VAC14: variants seen among roughly 807,000 people sequenced by gnomAD.
VAC14 encodes protein VAC14 homolog.
In VAC14, 47 loss-of-function variants were observed where a neutral mutation model predicts 85.3. That is an observed-to-expected ratio of 0.55 (90% confidence interval 0.44 to 0.70). The LOEUF is 0.70. Ranked by LOEUF, VAC14 falls within the 30% of genes least tolerant of loss-of-function variation. VAC14 has a pLI of 0.00. For synonymous variants in VAC14, 447 were observed against 430.5 expected (o/e 1.04, Z -0.47); for missense variants, 861 against 1,004.3 (o/e 0.86, Z 1.93).
chr16:70,690,825 G>GCCC (rs2053582740), intron 18 of VAC14: 1 of 985,356 alleles, frequency 1.0e-6, no homozygotes, highest in Non-Finnish European at 1.2e-6. Flanking sequence ...CTGCTTCTGT[G>GCCC]CCCCTATCTA....
intron 14 of VAC14, among the ~76,000 whole-genome samples, chr16:70,707,801 C>CT (rs772971983): frequency 2.3e-3 from 335 of 144,204 alleles, no homozygotes; most frequent in East Asian, 8.7e-3. Flanking sequence ...GGCCTTTTTT[C>CT]TTTTTTTTTT....
intron 14 of VAC14, among the ~76,000 whole-genome samples, chr16:70,712,758 T>C (rs2054062224): frequency 1.3e-5 from 2 of 152,242 alleles, no homozygotes. Context: ...TTTACTGCTA[T>C]ACCATTCTGC....
In VAC14 at chr16:70,691,900, G is replaced by A. The variant is rs770989421; in HGVS notation, c.2186+921C>T. The A allele has an allele frequency of 4.5e-4, 443 of 985,170 alleles. 2 individuals carry two copies. The highest frequency in any genetic ancestry group is 5.1e-4 in the Non-Finnish European group (426 of 829,868). The allele number at this position is 985,170 out of a possible 1,614,324, so 61.0% of individuals were successfully genotyped here. On this transcript the variant is annotated intron_variant, in intron 18 of 18. Coordinates refer to ENST00000261776, the MANE Select transcript of VAC14 (RefSeq NM_018052.5). Reference sequence around the variant, plus strand: ...GTGTCCATCGCAAAGGCGAGCACCCGAGGCCCTTTGCTGGAGCAAGGCGCC... The same window carrying A: ...GTGTCCATCGCAAAGGCGAGCACCCAAGGCCCTTTGCTGGAGCAAGGCGCC...
intron 14 of VAC14, among the ~76,000 whole-genome samples, chr16:70,702,173 C>T (rs985202036): frequency 1.3e-5 from 2 of 152,212 alleles, no homozygotes; most frequent in Admixed American, 1.3e-4. Context: ...TTGTGCTGTG[C>T]AAACACCAGT....
intron 10 of VAC14, chr16:70,771,622 T>G (rs1266771494): frequency 6.6e-6 from 1 of 152,120 alleles, no homozygotes; most frequent in Non-Finnish European, 1.5e-5. Flanking sequence ...GGTCTCACTC[T>G]GTTATCCAGG....
At chr16:70,695,707 T>C in intron 16 of VAC14, 84 bp from the exon 17 acceptor site, 1 of 1,320,356 alleles carries the variant, frequency 7.6e-7, no homozygotes, top group Non-Finnish European at 1.1e-6. Context: ...CCCCTGCACC[T>C]GGCTTCCTGT....
At chr16:70,745,726 T>G (rs2030827686) in intron 12 of VAC14, among the ~76,000 whole-genome samples, 1 of 152,338 alleles carries the variant, frequency 6.6e-6, no homozygotes, top group Admixed American at 6.5e-5. Flanking sequence ...GGACTGTCCC[T>G]GCGCCCAGCA....
At chr16:70,784,946 A>G in intron 3 of VAC14, 108 bp from the exon 4 acceptor site, 6 of 938,072 alleles carry the variant, frequency 6.4e-6, no homozygotes, top group Non-Finnish European at 8.8e-6. Flanking sequence ...GCAGCCCAGA[A>G]CATCTAGCAA....
intron 13 of VAC14, among the ~76,000 whole-genome samples, chr16:70,734,681 A>G (rs557655239): frequency 6.6e-6 from 1 of 152,120 alleles, no homozygotes; most frequent in African/African-American, 2.4e-5. Flanking sequence ...GTATAACATG[A>G]TATCTTAATA....
chr16:70,698,949 T>G, intron 14 of VAC14, 138 bp from the exon 15 acceptor site: 1 of 420,138 alleles, frequency 2.4e-6, no homozygotes, highest in Non-Finnish European at 4.2e-6. Context: ...GCCATGACTC[T>G]GAGGCCTGTG....
At position 70,786,329 on chromosome 16, in the gene VAC14, C is replaced by T; in HGVS notation, c.141G>A (p.Val47=). The part of the protein sequence containing the change: ...VREFVAQNNT[V]QIKHVIQTLS... ...GGGTCTGGATCACATGCTTGATTTG[C>T]ACGGTATTGTTCTGGGCCACGAACT... is the stretch of plus-strand genomic sequence containing the variant. Residue 47 remains valine, a synonymous_variant, in exon 2 of 19, where the codon GTG becomes GTA. Coordinates refer to ENST00000261776, the MANE Select transcript of VAC14 (RefSeq NM_018052.5). 1 of 1,614,200 alleles carries T rather than the reference C, an allele frequency of 6.2e-7. No individual in the cohort carries two copies. Among genetic ancestry groups the T allele is most frequent in the Non-Finnish European group, 8.5e-7 (1 of 1,180,042 alleles).
At chr16:70,764,702 A>T (rs1032340161) in intron 10 of VAC14, among the ~76,000 whole-genome samples, 1 of 152,130 alleles carries the variant, frequency 6.6e-6, no homozygotes, top group Non-Finnish European at 1.5e-5. Context: ...TTCCCAACAA[A>T]ATCTATTCTC....
chr16:70,721,199 C>T (rs1052939500), intron 14 of VAC14, among the ~76,000 whole-genome samples: 4 of 152,084 alleles, frequency 2.6e-5, no homozygotes, highest in East Asian at 1.9e-4. Flanking sequence ...AGGGACAGGC[C>T]GGCATGGTGG....
At chr16:70,774,816 G>A (rs1242782348) in intron 9 of VAC14, among the ~76,000 whole-genome samples, 7 of 100,904 alleles carry the variant, frequency 6.9e-5, no homozygotes, top group Non-Finnish European at 1.3e-4. Flanking sequence ...TGATCTTGGC[G>A]CTCACTGTAA....
chr16:70,783,326 A>G (rs2143259442), intron 6 of VAC14, 119 bp downstream of exon 6: 1 of 1,117,394 alleles, frequency 8.9e-7, no homozygotes, highest in East Asian at 2.4e-5. Flanking sequence ...GAAGCACAAG[A>G]GCCAGGAAGA....
intron 14 of VAC14, among the ~76,000 whole-genome samples, chr16:70,728,860 G>A (rs2054506889): frequency 6.6e-6 from 1 of 152,210 alleles, no homozygotes; most frequent in Admixed American, 6.5e-5. Context: ...TCTGCAATTT[G>A]GAAAACCACA....
At position 70,698,712 on chromosome 16, in the gene VAC14, G is replaced by A. The variant is rs200282045; in HGVS notation, c.1761C>T (p.His587=). 311 of 1,614,068 alleles carry A rather than the reference G, an allele frequency of 1.9e-4. No individual in the cohort carries two copies. In the Middle Eastern group the frequency reaches 2.3e-3, roughly 12 times the overall value. The change falls in exon 15 of 19, where the codon CAC becomes CAT. Residue 587 remains histidine, a synonymous_variant. Coordinates refer to ENST00000261776, the MANE Select transcript of VAC14 (RefSeq NM_018052.5). ...EDLKFASTMV[H]ALNTILLTST... ...AGGTCAGCAGGATGGTGTTGAGGGC[G>A]TGGACCATGGTCGAGGCGAACTTGA...
intron 14 of VAC14, among the ~76,000 whole-genome samples, chr16:70,704,488 C>T (rs531147947): frequency 6.1e-4 from 93 of 152,244 alleles, no homozygotes; most frequent in Non-Finnish European, 1.1e-3. Flanking sequence ...CCCCCCAACA[C>T]CCCTCCTGCC....
chr16:70,787,688 C>T (rs1451616554), intron 1 of VAC14, among the ~76,000 whole-genome samples: 5 of 152,106 alleles, frequency 3.3e-5, no homozygotes, highest in South Asian at 2.1e-4. Flanking sequence ...GGGATGGAGC[C>T]GGATCTTCAA....
Sources: allele counts gnomAD v4.1 joint callset (sites outside exome capture counted in the v4.1 genomes callset), GRCh38; gene constraint gnomAD v4.1.1; transcripts MANE v1.5; gene names NCBI Gene and HGNC (gene_info 2026-07-23, HGNC 2026-07-21).